Variants in VDAC1 observed in about 807,000 individuals in gnomAD.
VDAC1 encodes non-selective voltage-gated ion channel VDAC1.
In VDAC1, 10 loss-of-function variants were observed where a neutral mutation model predicts 34.7. The observed-to-expected ratio is 0.29, with a 90% CI of 0.18 to 0.49. The LOEUF (loss-of-function observed/expected upper bound fraction) is 0.49, where lower values mean the gene tolerates loss of function less well. Among genes scored for constraint, VDAC1 ranks in the 20% least tolerant of loss-of-function variants. VDAC1 has a pLI of 0.99. For synonymous variants in VDAC1, 130 were observed against 136.0 expected, an observed-to-expected ratio of 0.96 and a Z score of 0.30; for missense variants, 230 against 347.9, an observed-to-expected ratio of 0.66 and a Z score of 2.69.
At chr5:134,072,322 A>G in the VDAC1 span, among the ~76,000 whole-genome samples, 1 of 152,052 alleles carries the variant, frequency 6.6e-6, no homozygotes, top group Non-Finnish European at 1.5e-5. Flanking sequence ...CTGGAGCCAG[A>G]CTCTGTCCCA....
chr5:134,001,860 A>C (rs1181346281), intron 1 of VDAC1, among the ~76,000 whole-genome samples: 1 of 152,040 alleles, frequency 6.6e-6, no homozygotes, highest in Non-Finnish European at 1.5e-5. Context: ...GTTCTGAGTA[A>C]AGAACTTAAA....
the VDAC1 span, among the ~76,000 whole-genome samples, chr5:134,113,150 G>A: frequency 6.6e-6 from 1 of 152,224 alleles, no homozygotes; most frequent in Non-Finnish European, 1.5e-5. Context: ...GAGCAGATGA[G>A]GCGAGACTAA....
chr5:134,096,384 G>A, the VDAC1 span, among the ~76,000 whole-genome samples: 3 of 152,188 alleles, frequency 2.0e-5, no homozygotes, highest in Non-Finnish European at 2.9e-5. Flanking sequence ...GCCAGGGACC[G>A]GGCCCACAGC....
At chr5:134,012,051 AAGAG>A in the VDAC1 span, among the ~76,000 whole-genome samples, 6 of 152,176 alleles carry the variant, frequency 3.9e-5, no homozygotes, top group African/African-American at 1.4e-4. Flanking sequence ...AAGAAAGAAA[AAGAG>A]AAAGAAAGAA....
the VDAC1 span, among the ~76,000 whole-genome samples, chr5:134,090,321 C>T: frequency 2.6e-5 from 4 of 152,232 alleles, no homozygotes; most frequent in African/African-American, 9.6e-5. Flanking sequence ...CTGAACCACA[C>T]CAATTAGCCT....
chr5:134,013,126 A>C, the VDAC1 span, among the ~76,000 whole-genome samples: 1 of 152,252 alleles, frequency 6.6e-6, no homozygotes, highest in African/African-American at 2.4e-5. Context: ...GTAAGACTTC[A>C]AACAATTAAA....
chr5:134,063,452 A>C, the VDAC1 span, among the ~76,000 whole-genome samples: 13 of 152,146 alleles, frequency 8.5e-5, no homozygotes, highest in East Asian at 1.9e-4. Context: ...TGATTCAGTG[A>C]TTTGCTTTGG....
At chr5:134,110,823 C>T in the VDAC1 span, among the ~76,000 whole-genome samples, 4 of 152,212 alleles carry the variant, frequency 2.6e-5, no homozygotes, top group Non-Finnish European at 5.9e-5. Context: ...TCAGAGTTCA[C>T]GTGGGCCTTT....
intron 1 of VDAC1, among the ~76,000 whole-genome samples, chr5:133,995,062 G>A (rs1753247294): frequency 1.3e-5 from 2 of 152,036 alleles, no homozygotes; most frequent in Admixed American, 1.3e-4. Context: ...CTCTCTCATC[G>A]CTAATCCCCA....
At chr5:133,987,410 G>A (rs1170428120) in intron 5 of VDAC1, among the ~76,000 whole-genome samples, 1 of 152,098 alleles carries the variant, frequency 6.6e-6, no homozygotes, top group East Asian at 1.9e-4. Context: ...AGGCGTGGTG[G>A]CTCACACCTG....
chr5:134,065,645 T>G, the VDAC1 span, among the ~76,000 whole-genome samples: 2 of 152,088 alleles, frequency 1.3e-5, no homozygotes, highest in African/African-American at 4.8e-5. Flanking sequence ...CCTGCCTCTT[T>G]GGTTTTAACT....
the VDAC1 span, among the ~76,000 whole-genome samples, chr5:134,082,937 A>G: frequency 6.6e-6 from 1 of 152,226 alleles, no homozygotes. Flanking sequence ...AAATGTCTGT[A>G]TAAATCTTAG....
the VDAC1 span, among the ~76,000 whole-genome samples, chr5:134,034,631 G>A: frequency 6.6e-6 from 1 of 152,254 alleles, no homozygotes; most frequent in Non-Finnish European, 1.5e-5. Flanking sequence ...TAGTCTCGAG[G>A]GTTGTGAGAA....
chr5:133,979,780 A>C (rs1752623231), intron 6 of VDAC1, among the ~76,000 whole-genome samples: 1 of 152,166 alleles, frequency 6.6e-6, no homozygotes. Flanking sequence ...ACACGTACAC[A>C]GATTAATGTA....
chr5:134,112,220 A>G, the VDAC1 span, among the ~76,000 whole-genome samples: 1 of 152,224 alleles, frequency 6.6e-6, no homozygotes, highest in African/African-American at 2.4e-5. Context: ...TCTAGTCCAC[A>G]TTGATCTCAC....
the VDAC1 span, among the ~76,000 whole-genome samples, chr5:134,015,668 G>A: frequency 1.3e-5 from 2 of 150,928 alleles, no homozygotes; most frequent in Admixed American, 6.6e-5. Context: ...TTTTTGAGAC[G>A]GAGTCTCGCT....
the VDAC1 span, among the ~76,000 whole-genome samples, chr5:134,082,682 T>C: frequency 1.3e-5 from 2 of 152,242 alleles, no homozygotes; most frequent in East Asian, 3.8e-4. Context: ...ATATCAGCAA[T>C]ATAACTGCTT....
chr5:134,026,316 G>A, the VDAC1 span, among the ~76,000 whole-genome samples: 1 of 152,022 alleles, frequency 6.6e-6, no homozygotes, highest in Non-Finnish European at 1.5e-5. Context: ...GACCATCCTG[G>A]CTAACCGTCT....
chr5:133,981,628 C>CTA lies in VDAC1; in HGVS notation c.324-674_324-673dup, dbSNP rs1255351134. Among the ~76,000 whole-genome samples, 7 of 152,298 alleles carry CTA rather than the reference C, an allele frequency of 4.6e-5. No homozygotes were observed. The East Asian group carries it at 1.4e-3, about 29-fold the overall frequency. Reference sequence around the variant, plus strand: ...CAACCTGATGATACCAGATGTGAGTCTATAAGCAGTTCAGTGTCTCTACTG... The same window carrying CTA: ...CAACCTGATGATACCAGATGTGAGTCTATATAAGCAGTTCAGTGTCTCTACTG... On this transcript the variant is annotated intron_variant, in intron 5 of 8. Transcript: ENST00000265333.
Sources: allele counts gnomAD v4.1 joint callset (sites outside exome capture counted in the v4.1 genomes callset), GRCh38; gene constraint gnomAD v4.1.1; transcripts MANE v1.5; gene names NCBI Gene and HGNC (gene_info 2026-07-23, HGNC 2026-07-21).